Variants in TNS1 observed in about 807,000 individuals in gnomAD.
TNS1 encodes tensin 1, also known as tensin-1.
In TNS1, 62 loss-of-function variants were observed where a neutral mutation model predicts 168.6. That is an observed-to-expected ratio of 0.37 (90% CI 0.30 to 0.45). The LOEUF is 0.45. TNS1 is among the 20% of genes least tolerant of loss of function. The probability of loss-of-function intolerance (pLI) is 1.00; values close to 1 mark genes in which losing one functional copy is unlikely to be tolerated. For synonymous variants in TNS1, 934 were observed against 933.2 expected (o/e 1.00, Z -0.02); for missense variants, 2,240 against 2,339.4 (o/e 0.96, Z 0.88).
At chr2:217,931,217 G>A (rs373405529) in intron 3 of TNS1, among the ~76,000 whole-genome samples, 3 of 152,166 alleles carry the variant, frequency 2.0e-5, no homozygotes, top group South Asian at 4.1e-4. Flanking sequence ...GGATTTCACT[G>A]GGATTCAAGT....
intron 32 of TNS1, among the ~76,000 whole-genome samples, chr2:217,805,744 C>CACCACTGCACA: frequency 4.1e-5 from 2 of 48,938 alleles, no homozygotes; most frequent in Admixed American, 3.9e-4. Context: ...ACCACACATA[C>CACCACTGCACA]CACCACACAT....
At chr2:218,003,105 C>T (rs1056157803), upstream of TNS1, 15 of 373,318 alleles carry the variant, frequency 4.0e-5, no homozygotes, top group Non-Finnish European at 5.9e-5. Flanking sequence ...CAGGCTCCAC[C>T]GGTGGCCTTG....
At chr2:218,009,007 T>C (rs527783136) in intron 1 of TNS1, among the ~76,000 whole-genome samples, 1 of 152,348 alleles carries the variant, frequency 6.6e-6, no homozygotes, top group South Asian at 2.1e-4. Flanking sequence ...ATTATCCCCA[T>C]TTTACAGATG....
At chr2:217,855,607 G>A (rs74363075) in intron 18 of TNS1, among the ~76,000 whole-genome samples, 4,864 of 151,884 alleles carry the variant, frequency 0.032, 252 homozygotes, top group African/African-American at 0.11. Context: ...GTTCCCAGAC[G>A]GTGCCATCCA....
intron 1 of TNS1, among the ~76,000 whole-genome samples, chr2:218,030,699 A>G (rs1958884812): frequency 6.6e-6 from 1 of 152,110 alleles, no homozygotes; most frequent in Non-Finnish European, 1.5e-5. Context: ...ACTGAAACTC[A>G]CTTCTAGTGT....
chr2:217,971,718 C>CA (rs778848738), intron 3 of TNS1, among the ~76,000 whole-genome samples: 3 of 152,170 alleles, frequency 2.0e-5, no homozygotes, highest in Non-Finnish European at 4.4e-5. Context: ...ATCCCAATGC[C>CA]CAGGTCAGGT....
chr2:217,975,038 G>T (rs890254344), intron 3 of TNS1, among the ~76,000 whole-genome samples: 3 of 152,184 alleles, frequency 2.0e-5, no homozygotes, highest in Admixed American at 6.5e-5. Flanking sequence ...TGTGGGTTCT[G>T]CCTTGCTCTC....
In TNS1 at chr2:217,818,175, T is replaced by C; in HGVS notation, c.4157A>G (p.Asn1386Ser). 1 of 1,613,718 alleles carries C rather than the reference T, an allele frequency of 6.2e-7. No individual in the cohort carries two copies. The highest frequency in any genetic ancestry group is 1.1e-5 in the South Asian group (1 of 91,048). The stretch of plus-strand genomic sequence containing the variant: ...ATTGCTATGAAGACCGGAGGCCAGG[T>C]TGCCTTGGTGAGCCCCAGGGTGCCG... ...LGRHPGAHQG[N>S]LASGLHSNAI... is the part of the protein sequence containing the mutation. Residue 1386 changes from asparagine (N) to serine (S), a missense_variant, in exon 24 of 33, where the codon AAC becomes AGC. Around this residue, in one of 2 missense-constraint regions of TNS1, gnomAD observed 2,131 missense variants for 2,171.2 expected, o/e 0.98. Coordinates refer to ENST00000682258, the MANE Select transcript of TNS1 (RefSeq NM_001387777.1).
At chr2:217,942,290 G>A (rs902359926) in intron 3 of TNS1, among the ~76,000 whole-genome samples, 19 of 152,094 alleles carry the variant, frequency 1.2e-4, no homozygotes, top group African/African-American at 2.2e-4. Flanking sequence ...CGGACTGGCC[G>A]AGACCCTCCC....
At chr2:217,878,314 A>AAC (rs1950375727) in intron 18 of TNS1, among the ~76,000 whole-genome samples, 1 of 152,098 alleles carries the variant, frequency 6.6e-6, no homozygotes, top group Non-Finnish European at 1.5e-5. Flanking sequence ...GCTTAGTGGG[A>AAC]CCCAGGTACT....
intron 18 of TNS1, among the ~76,000 whole-genome samples, chr2:217,864,804 A>G (rs1475209189): frequency 6.6e-6 from 1 of 152,226 alleles, no homozygotes; most frequent in Non-Finnish European, 1.5e-5. Flanking sequence ...ACTATTCCTG[A>G]TCCCAAACAG....
chr2:218,015,162 G>C (rs1027313441), upstream of TNS1, among the ~76,000 whole-genome samples: 1 of 151,680 alleles, frequency 6.6e-6, no homozygotes, highest in South Asian at 2.1e-4. Context: ...GGTTAAACTT[G>C]AACCCCTGCC....
At chr2:217,900,705 T>C (rs1459489798) in intron 6 of TNS1, 193 bp from the exon 7 acceptor site, 2 of 619,348 alleles carry the variant, frequency 3.2e-6, no homozygotes, top group Admixed American at 6.3e-5. Flanking sequence ...TCCACGTGAG[T>C]GTGCCTGCCT....
intron 1 of TNS1, among the ~76,000 whole-genome samples, chr2:218,031,280 TGTATGA>T (rs1478629781): frequency 2.4e-5 from 3 of 124,190 alleles, no homozygotes; most frequent in Non-Finnish European, 4.7e-5. Context: ...TGTGTGAGCG[TGTATGA>T]GTGTGTGAGT....
intron 2 of TNS1, among the ~76,000 whole-genome samples, chr2:217,982,989 C>A (rs965438398): frequency 6.6e-6 from 1 of 152,190 alleles, no homozygotes; most frequent in African/African-American, 2.4e-5. Flanking sequence ...AGACACCCCC[C>A]ACCACCAATG....
intron 28 of TNS1, among the ~76,000 whole-genome samples, chr2:217,810,739 T>C (rs1940712103): frequency 6.6e-6 from 1 of 152,124 alleles, no homozygotes; most frequent in Non-Finnish European, 1.5e-5. Flanking sequence ...AATCCCCTAA[T>C]TCCCCTAATT....
In TNS1 at chr2:217,979,069, G is replaced by T. The variant is rs772622063; in HGVS notation, c.149-267C>A. Reference sequence around the variant, plus strand: ...AGAGCCCCTCCGGGTGCGGGAAGGTGGGGGGAGCAAAGGGGGGGGTCCCCC... The same window carrying T: ...AGAGCCCCTCCGGGTGCGGGAAGGTTGGGGGAGCAAAGGGGGGGGTCCCCC... On this transcript the variant is annotated intron_variant, in intron 2 of 32. Coordinates refer to ENST00000682258, the MANE Select transcript of TNS1 (RefSeq NM_001387777.1). 27 of 451,376 alleles carry T rather than the reference G, an allele frequency of 6.0e-5. No homozygotes were observed. In the Middle Eastern group the frequency reaches 3.1e-3, roughly 52 times the overall value. 28.0% of individuals were successfully genotyped at this position (451,376 alleles called of 1,614,324 possible). A position where few individuals can be genotyped will look rare whatever the true frequency, so the allele number is the denominator to read the frequency against.
At chr2:217,839,091 A>G (rs1945573119) in intron 19 of TNS1, among the ~76,000 whole-genome samples, 1 of 149,666 alleles carries the variant, frequency 6.7e-6, no homozygotes. Context: ...CACACAGCCT[A>G]ACAGAAATGG....
At chr2:218,019,101 A>T (rs893651802) in intron 1 of TNS1, among the ~76,000 whole-genome samples, 3 of 152,156 alleles carry the variant, frequency 2.0e-5, no homozygotes, top group African/African-American at 7.2e-5. Context: ...AAACAAAAAA[A>T]AAATAAAGGA....
Sources: gnomAD v4.1 joint callset for allele counts (sites outside exome capture counted in the v4.1 genomes callset) on GRCh38, gnomAD v4.1.1 for gene constraint, gnomAD v4.1.1 regional missense constraint, MANE v1.5 for transcripts, NCBI Gene and HGNC (gene_info 2026-07-23, HGNC 2026-07-21) for gene names.